CCDC190: variants seen among roughly 807,000 people sequenced by gnomAD.
CCDC190 encodes the protein coiled-coil domain-containing protein 190.
CCDC190 carries 10 observed loss-of-function variants against 13.1 expected under a neutral mutation model. The observed-to-expected ratio is 0.77, with a 90% CI of 0.47 to 1.30. The LOEUF (loss-of-function observed/expected upper bound fraction) is 1.30. CCDC190 is among the 50% of genes most tolerant of loss of function. The pLI, the probability that CCDC190 is intolerant of heterozygous loss-of-function variation, is 0.00. For synonymous variants in CCDC190, 136 were observed against 127.2 expected (o/e 1.07, Z -0.47); for missense variants, 375 against 354.3 (o/e 1.06, Z -0.47).
chr1:162,860,471 T>C (rs1162986353), intron 1 of CCDC190, among the ~76,000 whole-genome samples: 3 of 152,104 alleles, frequency 2.0e-5, no homozygotes, highest in Admixed American at 6.6e-5. Flanking sequence ...CATTTTTCTC[T>C]CCTTTGAGTC....
chr1:162,865,140 A>G (rs958667221), upstream of CCDC190, among the ~76,000 whole-genome samples: 2 of 152,174 alleles, frequency 1.3e-5, no homozygotes, highest in Non-Finnish European at 1.5e-5. Context: ...TAGTATTCAG[A>G]GCCAATAATA....
chr1:162,866,374 G>A (rs1462667500), intron 1 of CCDC190, among the ~76,000 whole-genome samples: 1 of 152,152 alleles, frequency 6.6e-6, no homozygotes, highest in East Asian at 1.9e-4. Context: ...AGGTTGCAGT[G>A]AGCCAAGACG....
Position 162,853,128 on chromosome 1 carries a change from A to G in CCDC190, c.*1637T>C. The G allele has an allele frequency of 1.3e-6, 2 of 1,550,600 alleles. No homozygotes were observed. The highest frequency in any genetic ancestry group is 1.7e-6 in the Non-Finnish European group (2 of 1,146,806). On this transcript the variant is annotated 3_prime_UTR_variant, in exon 4 of 4. Coordinates refer to ENST00000367912, the MANE Select transcript of CCDC190 (RefSeq NM_001394065.1). The stretch of plus-strand genomic sequence containing the variant: ...ATTTCTTGTGTTCCTTTCACTATAA[A>G]GTATTGTCTCCCCATTGAAGGCCAG...
intron 1 of CCDC190, among the ~76,000 whole-genome samples, chr1:162,868,327 G>C (rs1158342674): frequency 6.6e-6 from 1 of 152,196 alleles, no homozygotes; most frequent in Non-Finnish European, 1.5e-5. Flanking sequence ...AAGTAACACA[G>C]CACAGAGCTT....
chr1:162,865,936 C>G (rs991474495), upstream of CCDC190, among the ~76,000 whole-genome samples: 2 of 152,108 alleles, frequency 1.3e-5, no homozygotes, highest in African/African-American at 4.8e-5. Context: ...AAGGAAAGCA[C>G]AACTGTCTTT....
Position 162,851,964 on chromosome 1 carries a change from C to G in CCDC190, c.*2801G>C, listed in dbSNP as rs531961764. ...GAAAAGAGTACCCTGGTCTTTGTTC[C>G]TCATCCACATTCTGGTATGGAGAAA... On this transcript the variant is annotated 3_prime_UTR_variant, in exon 4 of 4. Coordinates refer to ENST00000367912, the MANE Select transcript of CCDC190 (RefSeq NM_001394065.1). The G allele has an allele frequency of 3.7e-4, 57 of 152,276 alleles. No individual in the cohort carries two copies. The highest frequency in any genetic ancestry group is 1.3e-3 in the African/African-American group (56 of 41,544). The allele number at this position is 152,276 out of a possible 1,614,324, so 9.4% of individuals were successfully genotyped here.
chr1:162,855,249 G>A lies in CCDC190; in HGVS notation c.422C>T (p.Ser141Phe), dbSNP rs372277621. 2.2e-5 allele frequency: 36 copies of A among 1,613,856 alleles called. No individual in the cohort carries two copies. The highest frequency in any genetic ancestry group is 2.9e-5 in the Non-Finnish European group (34 of 1,179,878). ...DPMKSKKQPL[S>F]QNNRTACFIK... is the part of the protein sequence containing the mutation. Reference sequence around the variant, plus strand: ...GAAGCAGGCAGTTCTGTTATTTTGAGAGAGTGGCTGCTTTTTGCTCTTCAT... The same window carrying A: ...GAAGCAGGCAGTTCTGTTATTTTGAAAGAGTGGCTGCTTTTTGCTCTTCAT... The change falls in exon 4 of 4, where the codon TCT becomes TTT. Residue 141 changes from serine to phenylalanine, a missense_variant. Physicochemically the swap from Ser to Phe is radical, Grantham distance 155 (BLOSUM62 -2). Transcript: ENST00000367912.
rs1650119834 is a variant in CCDC190 at position 162,851,903 on chromosome 1, A to C, written c.*2862T>G. On this transcript the variant is annotated 3_prime_UTR_variant, in exon 4 of 4. Coordinates refer to ENST00000367912, the MANE Select transcript of CCDC190 (RefSeq NM_001394065.1). Reference sequence around the variant, plus strand: ...AACGAGGGCAGGAGCCATCGGACACATGCCCTTCCCCATCTTCTTTGAGAG... The same window carrying C: ...AACGAGGGCAGGAGCCATCGGACACCTGCCCTTCCCCATCTTCTTTGAGAG... 6.6e-6 allele frequency: 1 copy of C among 152,240 alleles called. No homozygotes were observed. The highest frequency in any genetic ancestry group is 2.1e-4 in the South Asian group (1 of 4,832). The allele number at this position is 152,240 out of a possible 1,614,324, so 9.4% of individuals were successfully genotyped here.
In CCDC190 at chr1:162,855,174, TTAGA is replaced by T; in HGVS notation, c.493_496del (p.Ser165ArgfsTer3). Reference sequence around the variant, plus strand: ...GATGCCCTTGCTGGGGTCTACGTCCTTAGATGGATTCACAGAATCTTTCTCTTGG... The same window carrying T: ...GATGCCCTTGCTGGGGTCTACGTCCTTGGATTCACAGAATCTTTCTCTTGG... On this transcript the variant is annotated frameshift_variant, in exon 4 of 4. Transcript: ENST00000367912. LOFTEE classifies it low-confidence loss of function (END_TRUNC). The T allele has an allele frequency of 6.2e-7, 1 of 1,614,052 alleles. No individual in the cohort carries two copies. The highest frequency in any genetic ancestry group is 1.3e-5 in the African/African-American group (1 of 75,064).
rs1395975260 is a variant in CCDC190, at chr1:162,852,240, C to T, written c.*2525G>A. On this transcript the variant is annotated 3_prime_UTR_variant, in exon 4 of 4. Transcript: ENST00000367912. ...AGCCCCCTCACCTCAGTTATGACAA[C>T]CAGAAATATCTCTGGACAGTGCTGG... The T allele has an allele frequency of 6.6e-6, 1 of 152,246 alleles. No individual in the cohort carries two copies. The highest frequency in any genetic ancestry group is 1.9e-4 in the East Asian group (1 of 5,202). 9.4% of individuals were successfully genotyped at this position (152,246 alleles called of 1,614,324 possible). A position where few individuals can be genotyped will look rare whatever the true frequency, so the allele number is the denominator to read the frequency against.
chr1:162,855,347 G>T lies in CCDC190; in HGVS notation c.324C>A (p.Thr108=), dbSNP rs1392349500. The change falls in exon 4 of 4, where the codon ACC becomes ACA. Residue 108 remains threonine (T), a synonymous_variant. Transcript: ENST00000367912. ...TTTTGCATGTGTCTTGGGCCATACG[G>T]GTTGCCAATGCTCTGAGAAAGGACA... The part of the protein sequence containing the change: ...PQAKKMRALA[T]RMAQDTCKSK... 2 of 1,602,498 alleles carry T rather than the reference G, an allele frequency of 1.2e-6. No individual in the cohort carries two copies. The highest frequency in any genetic ancestry group is 1.7e-6 in the Non-Finnish European group (2 of 1,177,220).
rs1330354109 is a variant in CCDC190 at position 162,851,939 on chromosome 1, G to A, written c.*2826C>T. On this transcript the variant is annotated 3_prime_UTR_variant, in exon 4 of 4. Coordinates refer to ENST00000367912, the MANE Select transcript of CCDC190 (RefSeq NM_001394065.1). ...CATCTTCTTTGAGAGGAGAGTATGG[G>A]AAAAGAGTACCCTGGTCTTTGTTCC... 6.6e-6 allele frequency: 1 copy of A among 152,188 alleles called. No individual in the cohort carries two copies. The highest frequency in any genetic ancestry group is 1.5e-5 in the Non-Finnish European group (1 of 68,030). The allele number at this position is 152,188 out of a possible 1,614,324, so 9.4% of individuals were successfully genotyped here. A position where few individuals can be genotyped will look rare whatever the true frequency, so the allele number is the denominator to read the frequency against.
At chr1:162,867,982 G>T (rs182837940) in intron 1 of CCDC190, among the ~76,000 whole-genome samples, 1 of 152,280 alleles carries the variant, frequency 6.6e-6, no homozygotes, top group East Asian at 1.9e-4. Flanking sequence ...GGAGACAGAG[G>T]TGATAATTAC....
chr1:162,865,559 A>T (rs1360436479), upstream of CCDC190, among the ~76,000 whole-genome samples: 4 of 152,196 alleles, frequency 2.6e-5, no homozygotes. Context: ...CGCTATAATG[A>T]AATACCTAAG....
intron 1 of CCDC190, among the ~76,000 whole-genome samples, chr1:162,860,314 C>T (rs540852306): frequency 6.6e-6 from 1 of 152,166 alleles, no homozygotes; most frequent in Non-Finnish European, 1.5e-5. Context: ...CTGGGCAACA[C>T]TGGGGAAGCT....
rs773281055 is a variant in CCDC190 at position 162,855,193 on chromosome 1, C to A, written c.478G>T (p.Asp160Tyr). 7.4e-6 allele frequency: 12 copies of A among 1,613,970 alleles called. No individual in the cohort carries two copies. Among genetic ancestry groups the A allele is most frequent in the Middle Eastern group, 3.3e-4 (2 of 6,060 alleles). The change falls in exon 4 of 4, where the codon GAT (aspartate) becomes TAT (tyrosine). Residue 160 changes from aspartate (D) to tyrosine (Y), a missense_variant. Coordinates refer to ENST00000367912, the MANE Select transcript of CCDC190 (RefSeq NM_001394065.1). ...IKEQPQAQEK[D>Y]SVNPSKDVDP... The stretch of plus-strand genomic sequence containing the variant: ...ACGTCCTTAGATGGATTCACAGAAT[C>A]TTTCTCTTGGGCTTGTGGTTGCTCT...
At position 162,855,514 on chromosome 1, in the gene CCDC190, G is replaced by GGAA. The variant is rs1390887706; in HGVS notation, c.311+115_311+117dup. The GGAA allele has an allele frequency of 2.0e-6, 3 of 1,503,528 alleles. No individual in the cohort carries two copies. The African/African-American group carries it at 4.2e-5, about 21-fold the overall frequency. 93.1% of individuals were successfully genotyped at this position (1,503,528 alleles called of 1,614,324 possible). A position where few individuals can be genotyped will look rare whatever the true frequency, so the allele number is the denominator to read the frequency against. On this transcript the variant is annotated intron_variant, in intron 3 of 3. Transcript: ENST00000367912. ...GTGAAACTGAGTAGTAACAATGCAG[G>GGAA]GAAAATGTCTCACTTAAGAAGTGGA...
Position 162,855,239 on chromosome 1 carries a change from G to A in CCDC190, c.432C>T (p.Asn144=), listed in dbSNP as rs139139454. 1.3e-3 allele frequency: 2,036 copies of A among 1,613,962 alleles called. 25 individuals are homozygous for A. In the African/African-American group the frequency reaches 0.023, roughly 18 times the overall value. ...KSKKQPLSQN[N]RTACFIKEQP... is the part of the protein sequence containing the mutation. ...GCTCTTTTATGAAGCAGGCAGTTCT[G>A]TTATTTTGAGAGAGTGGCTGCTTTT... The change falls in exon 4 of 4, where the codon AAC becomes AAT. Residue 144 remains asparagine (N), a synonymous_variant. Transcript: ENST00000367912.
At position 162,852,221 on chromosome 1, in the gene CCDC190, C is replaced by T. The variant is rs553458207; in HGVS notation, c.*2544G>A. ...CCTACTAGACTCCAGTGGCAGCCCC[C>T]TCACCTCAGTTATGACAACCAGAAA... On this transcript the variant is annotated 3_prime_UTR_variant, in exon 4 of 4. Transcript: ENST00000367912. 61 of 152,348 alleles carry T rather than the reference C, an allele frequency of 4.0e-4. No homozygotes were observed. The highest frequency in any genetic ancestry group is 1.4e-3 in the African/African-American group (60 of 41,564). 9.4% of individuals were successfully genotyped at this position (152,348 alleles called of 1,614,324 possible). A position where few individuals can be genotyped will look rare whatever the true frequency, so the allele number is the denominator to read the frequency against.
Sources: allele counts gnomAD v4.1 joint callset (sites outside exome capture counted in the v4.1 genomes callset), GRCh38; gene constraint gnomAD v4.1.1; transcripts MANE v1.5; gene names NCBI Gene and HGNC (gene_info 2026-07-23, HGNC 2026-07-21).